The following TLL1 variants were observed in gnomAD, a reference collection of about 807,000 sequenced individuals.
TLL1 encodes the protein tolloid-like protein 1.
TLL1 carries 49 observed loss-of-function variants against 128.2 expected under a neutral mutation model. The observed-to-expected ratio is 0.38, with a 90% CI of 0.30 to 0.48. TLL1 has a LOEUF of 0.48. TLL1 is among the 20% of genes least tolerant of loss of function. TLL1 has a pLI of 0.96. For synonymous variants in TLL1, 454 were observed against 418.8 expected (o/e 1.08, Z -1.03); for missense variants, 1,123 against 1,242.0 (o/e 0.90, Z 1.44).
chr4:166,025,396 T>C lies in TLL1; in HGVS notation c.1123T>C (p.Cys375Arg). 6.2e-7 allele frequency: 1 copy of C among 1,613,908 alleles called. No homozygotes were observed. The highest frequency in any genetic ancestry group is 8.5e-7 in the Non-Finnish European group (1 of 1,179,834). ...FPNGYPSYTH[C>R]IWRVSVTPGE... ...CAATGGCTACCCTTCTTACACACAC[T>C]GCATCTGGAGAGTTTCTGTGACCCC... The change falls in exon 9 of 21, where the codon TGC (cysteine) becomes CGC (arginine). Residue 375 changes from cysteine (C) to arginine (R), a missense_variant. By Grantham distance (180) the Cys-to-Arg change is radical. Around this residue, in one of 3 missense-constraint regions of TLL1, gnomAD observed 480 missense variants for 542.4 expected, o/e 0.89. Transcript: ENST00000061240.
rs72697392 is a variant in TLL1, at chr4:166,082,019, G to A, written c.2442+3989G>A. Among the ~76,000 whole-genome samples the A allele has an allele frequency of 7.4e-3, 1,125 of 152,192 alleles. 6 individuals carry two copies. Among genetic ancestry groups the A allele is most frequent in the Non-Finnish European group, 0.012 (829 of 68,000 alleles). ...CATAAAGCATGTCTGTTCAACAATG[G>A]TCATACCTGCTGGTATCCTAAGAAG... On this transcript the variant is annotated intron_variant, in intron 18 of 20. Transcript: ENST00000061240.
chr4:166,001,689 C>T (rs58189140), intron 5 of TLL1, among the ~76,000 whole-genome samples: 2,037 of 151,704 alleles, frequency 0.013, 41 homozygotes, highest in African/African-American at 0.047. Context: ...ATCCCCGCTA[C>T]TCTGGAGGCT....
intron 6 of TLL1, among the ~76,000 whole-genome samples, chr4:166,007,599 C>G (rs1014666284): frequency 6.6e-6 from 1 of 151,614 alleles, no homozygotes; most frequent in Non-Finnish European, 1.5e-5. Flanking sequence ...TAGATAAAAA[C>G]ATAACTTTGT....
rs182515934 is a variant in TLL1 at position 165,873,446 on chromosome 4, G to A, written c.-459G>A. Reference sequence around the variant, plus strand: ...GCGGCTTTGGGCTCAGGCGGCGGCGGCTCGCGCTCGGCCGCGGAGTCCTGG... The same window carrying A: ...GCGGCTTTGGGCTCAGGCGGCGGCGACTCGCGCTCGGCCGCGGAGTCCTGG... On this transcript the variant is annotated 5_prime_UTR_variant, in exon 1 of 21. Coordinates refer to ENST00000061240, the MANE Select transcript of TLL1 (RefSeq NM_012464.5). 3.6e-3 allele frequency: 546 copies of A among 153,268 alleles called. No individual in the cohort carries two copies. Among genetic ancestry groups the A allele is most frequent in the Non-Finnish European group, 6.3e-3 (436 of 68,802 alleles). 9.5% of individuals were successfully genotyped at this position (153,268 alleles called of 1,614,324 possible).
chr4:165,916,960 T>C (rs1301476778), intron 1 of TLL1, among the ~76,000 whole-genome samples: 3 of 152,146 alleles, frequency 2.0e-5, no homozygotes, highest in Non-Finnish European at 4.4e-5. Context: ...CTCATGCCCA[T>C]TTGTTAATTT....
At position 165,894,532 on chromosome 4, in the gene TLL1, G is replaced by T. The variant is rs1731579745; in HGVS notation, c.169+20459G>T. ...ATACTTTTCTAGATATACAAAATCT[G>T]AAAGACTTCATTGCCATCCAACTTA... On this transcript the variant is annotated intron_variant, in intron 1 of 20. Transcript: ENST00000061240. Among the ~76,000 whole-genome samples, 4 of 152,140 alleles carry T rather than the reference G, an allele frequency of 2.6e-5. No homozygotes were observed. In the South Asian group the frequency reaches 8.3e-4, roughly 31 times the overall value.
At chr4:166,066,045 G>A (rs1385158691) in intron 16 of TLL1, among the ~76,000 whole-genome samples, 182 bp downstream of exon 16, 1 of 32,986 alleles carries the variant, frequency 3.0e-5, no homozygotes, top group East Asian at 6.8e-4. Context: ...CTTTACAGGT[G>A]GATGGGAATA....
In TLL1 at chr4:165,873,943, G is replaced by C; in HGVS notation, c.39G>C (p.Trp13Cys). Residue 13 changes from tryptophan (W) to cysteine (C), a missense_variant, in exon 1 of 21, where the codon TGG becomes TGC. By Grantham distance (215) the Trp-to-Cys change is radical. This residue lies in a region of TLL1 where 480 missense variants were observed against 542.4 expected (regional missense o/e 0.89). Coordinates refer to ENST00000061240, the MANE Select transcript of TLL1 (RefSeq NM_012464.5). Reference sequence around the variant, plus strand: ...CGCTTTCCCCGAGGATGCTCGTGTGGCTGGTGGCCTCGGGGATTGTTTTCT... The same window carrying C: ...CGCTTTCCCCGAGGATGCTCGTGTGCCTGGTGGCCTCGGGGATTGTTTTCT... ...LGTLSPRMLV[W>C]LVASGIVFYG... 1 of 1,614,122 alleles carries C rather than the reference G, an allele frequency of 6.2e-7. No homozygotes were observed. Among genetic ancestry groups the C allele is most frequent in the South Asian group, 1.1e-5 (1 of 91,084 alleles).
At chr4:166,028,887 T>G (rs1463462469) in intron 9 of TLL1, among the ~76,000 whole-genome samples, 1 of 151,970 alleles carries the variant, frequency 6.6e-6, no homozygotes, top group East Asian at 1.9e-4. Context: ...GGTATCCAAT[T>G]CAGTTTATTT....
At chr4:166,029,351 G>A (rs1042051545) in intron 9 of TLL1, among the ~76,000 whole-genome samples, 6 of 151,668 alleles carry the variant, frequency 4.0e-5, no homozygotes, top group Admixed American at 3.3e-4. Context: ...AAGATTATTC[G>A]CTTTTTATAA....
At chr4:166,044,563 C>A in intron 12 of TLL1, 2 of 797,232 alleles carry the variant, frequency 2.5e-6, no homozygotes, top group Non-Finnish European at 1.9e-6. Flanking sequence ...ATTTTATGCT[C>A]CAGACCATTT....
chr4:165,960,048 A>G (rs906105406), intron 1 of TLL1, among the ~76,000 whole-genome samples: 2 of 152,102 alleles, frequency 1.3e-5, no homozygotes, highest in Non-Finnish European at 2.9e-5. Context: ...AGCAAAATCA[A>G]GTTGGTTGTT....
chr4:166,058,932 A>G (rs1230362122), intron 14 of TLL1, among the ~76,000 whole-genome samples: 1 of 152,058 alleles, frequency 6.6e-6, no homozygotes, highest in African/African-American at 2.4e-5. Context: ...TTCTTCTTAA[A>G]AGTCTGAACT....
intron 9 of TLL1, chr4:166,030,960 C>T: frequency 1.0e-6 from 1 of 972,052 alleles, no homozygotes; most frequent in East Asian, 1.1e-4. Context: ...TGCAAAAATA[C>T]CTTCATTTCA....
chr4:166,052,965 G>GTGTGTGTATA, intron 12 of TLL1, among the ~76,000 whole-genome samples: 5 of 99,696 alleles, frequency 5.0e-5, no homozygotes, highest in African/African-American at 1.9e-4. Context: ...GAGGTTATGT[G>GTGTGTGTATA]TATATATATA....
At chr4:165,893,694 A>G (rs1731521128) in intron 1 of TLL1, among the ~76,000 whole-genome samples, 1 of 152,242 alleles carries the variant, frequency 6.6e-6, no homozygotes, top group African/African-American at 2.4e-5. Context: ...GGGCTCACCC[A>G]GAGCAGGTAA....
chr4:166,013,333 T>G (rs1737787513), intron 7 of TLL1, among the ~76,000 whole-genome samples: 1 of 151,856 alleles, frequency 6.6e-6, no homozygotes, highest in Non-Finnish European at 1.5e-5. Context: ...GAATTTCTGT[T>G]TGTTTTATTT....
At chr4:166,066,677 T>C (rs1313121475) in intron 16 of TLL1, among the ~76,000 whole-genome samples, 1 of 151,786 alleles carries the variant, frequency 6.6e-6, no homozygotes, top group Non-Finnish European at 1.5e-5. Context: ...AGATTTACAA[T>C]GTCTAGGGTT....
chr4:165,992,783 T>G, intron 2 of TLL1, 21 bp from the exon 3 acceptor site: 1 of 1,609,856 alleles, frequency 6.2e-7, no homozygotes, highest in Non-Finnish European at 8.5e-7. Flanking sequence ...GAGTTTAACT[T>G]GTTTCCTTTT....
Sources: gnomAD v4.1 joint callset for allele counts (sites outside exome capture counted in the v4.1 genomes callset) on GRCh38, gnomAD v4.1.1 for gene constraint, gnomAD v4.1.1 regional missense constraint, MANE v1.5 for transcripts, NCBI Gene and HGNC (gene_info 2026-07-23, HGNC 2026-07-21) for gene names.